CEP295: variants seen among roughly 807,000 people sequenced by gnomAD.
CEP295 encodes the protein centrosomal protein 295, also known as centrosomal protein of 295 kDa.
In CEP295, 190 loss-of-function variants were observed where a neutral mutation model predicts 291.6. The observed-to-expected ratio is 0.65, with a 90% CI of 0.58 to 0.73. CEP295 has a LOEUF of 0.73. Among genes scored for constraint, CEP295 ranks in the 30% least tolerant of loss-of-function variants. The probability of loss-of-function intolerance (pLI) is 0.00; values close to 1 mark genes in which losing one functional copy is unlikely to be tolerated. For synonymous variants in CEP295, 993 were observed against 1,038.8 expected, an observed-to-expected ratio of 0.96 and a Z score of 0.85; for missense variants, 2,863 against 2,949.4, an observed-to-expected ratio of 0.97 and a Z score of 0.68.
chr11:93,672,062 C>T (rs1369758790), intron 5 of CEP295, among the ~76,000 whole-genome samples: 1 of 152,002 alleles, frequency 6.6e-6, no homozygotes, highest in Non-Finnish European at 1.5e-5. Flanking sequence ...TTAGATATTT[C>T]CATTTAACAA....
At chr11:93,728,957 C>A in intron 25 of CEP295, 136 bp downstream of exon 25, 2 of 707,258 alleles carry the variant, frequency 2.8e-6, no homozygotes, top group East Asian at 2.8e-5. Context: ...CACCAGCTCT[C>A]AATTTGTCTT....
chr11:93,729,764 A>C lies in CEP295; in HGVS notation c.7550A>C (p.Lys2517Thr). ...VSENSQIKTV[K>T]EKPSISSSVS... Reference sequence around the variant, plus strand: ...GAAAATTCTCAAATCAAAACAGTTAAAGAGAAACCATCTATAAGTATGTTG... The same window carrying C: ...GAAAATTCTCAAATCAAAACAGTTACAGAGAAACCATCTATAAGTATGTTG... The change falls in exon 27 of 30, where the codon AAA becomes ACA. Residue 2517 changes from lysine (K) to threonine (T), a missense_variant. Coordinates refer to ENST00000325212, the MANE Select transcript of CEP295 (RefSeq NM_033395.2). The C allele has an allele frequency of 6.5e-7, 1 of 1,546,148 alleles. No homozygotes were observed.
At chr11:93,691,815 C>T in intron 11 of CEP295, 40 bp downstream of exon 11, 1 of 1,355,460 alleles carries the variant, frequency 7.4e-7, no homozygotes, top group Non-Finnish European at 1.0e-6. Flanking sequence ...AATTTGACTC[C>T]TTGCATCTTT....
In CEP295 at chr11:93,699,236, C is replaced by G; in HGVS notation, c.4324C>G (p.Leu1442Val). 1 of 1,551,722 alleles carries G rather than the reference C, an allele frequency of 6.4e-7. No homozygotes were observed. Among genetic ancestry groups the G allele is most frequent in the Non-Finnish European group, 8.7e-7 (1 of 1,146,890 alleles). Residue 1442 changes from leucine (L) to valine (V), a missense_variant, in exon 15 of 30, where the codon CTG becomes GTG. Physicochemically the swap from Leu to Val is conservative, Grantham distance 32. Transcript: ENST00000325212. Reference protein sequence around the residue: ...HSEIPTLPDGLLGLSHLVLPQ... With the variant: ...HSEIPTLPDGVLGLSHLVLPQ... ...AGAGATACCAACATTGCCTGATGGG[C>G]TGTTGGGTTTATCACATCTTGTTTT...
chr11:93,669,469 C>G lies in CEP295; in HGVS notation c.435-208C>G, dbSNP rs114172262. Among the ~76,000 whole-genome samples, 1,463 of 151,390 alleles carry G rather than the reference C, an allele frequency of 9.7e-3. 19 individuals carry two copies. Among genetic ancestry groups the G allele is most frequent in the African/African-American group, 0.033 (1,368 of 41,296 alleles). On this transcript the variant is annotated intron_variant, in intron 4 of 29. Coordinates refer to ENST00000325212, the MANE Select transcript of CEP295 (RefSeq NM_033395.2). ...ATAAGTTTCTTGGGTTGGTCCCCAC[C>G]ATAGAGCTTTCTGTCTTTAGATAGG...
At chr11:93,675,506 C>A in intron 5 of CEP295, 65 bp from the exon 6 acceptor site, 2 of 793,156 alleles carry the variant, frequency 2.5e-6, no homozygotes, top group South Asian at 2.2e-5. Flanking sequence ...ACTTTTTTTG[C>A]ATTGGATTCA....
At chr11:93,684,197 A>G in intron 9 of CEP295, 69 bp downstream of exon 9, 1 of 1,395,764 alleles carries the variant, frequency 7.2e-7, no homozygotes, top group South Asian at 1.4e-5. Flanking sequence ...ATTAGCCAGC[A>G]GTTAGGAAAA....
rs1378558838 is a variant in CEP295, at chr11:93,724,372, C to T, written c.6315C>T (p.Tyr2105=). The change falls in exon 22 of 30, where the codon TAC becomes TAT. Residue 2105 remains tyrosine, a synonymous_variant. Coordinates refer to ENST00000325212, the MANE Select transcript of CEP295 (RefSeq NM_033395.2). ...TTTCTCCAGACAACAGAGACTTTTACCAGGTATATTAAAGTAGATGTCCCA... is the reference window on the plus strand; with the variant it reads ...TTTCTCCAGACAACAGAGACTTTTATCAGGTATATTAAAGTAGATGTCCCA... ...SGISPDNRDF[Y]QRSDSSSESH... is the part of the protein sequence containing the mutation. 1.9e-6 allele frequency: 3 copies of T among 1,548,486 alleles called. No homozygotes were observed. The highest frequency in any genetic ancestry group is 2.6e-6 in the Non-Finnish European group (3 of 1,144,818).
In CEP295 at chr11:93,728,794, C is replaced by T. The variant is rs182061715; in HGVS notation, c.7275C>T (p.Ser2425=). 436 of 1,547,066 alleles carry T rather than the reference C, an allele frequency of 2.8e-4. 2 individuals are homozygous for T. The African/African-American group carries it at 4.5e-3, about 16-fold the overall frequency. The change falls in exon 25 of 30, where the codon AGC becomes AGT. Residue 2425 remains serine, a synonymous_variant. Transcript: ENST00000325212. ...CAAATTTAACCCTAGAAGAGAAGAG[C>T]GAGAATGAAGCAAAATGCTTCTTTC... The part of the protein sequence containing the change: ...DFANLTLEEK[S]ENEAKCFFQV...
chr11:93,673,412 G>C (rs150493936), intron 5 of CEP295, among the ~76,000 whole-genome samples: 1 of 152,260 alleles, frequency 6.6e-6, no homozygotes, highest in Non-Finnish European at 1.5e-5. Flanking sequence ...TGTATATCCA[G>C]GTATTTGCCA....
chr11:93,665,676 C>T (rs548277990), intron 1 of CEP295, among the ~76,000 whole-genome samples: 1 of 152,170 alleles, frequency 6.6e-6, no homozygotes, highest in Non-Finnish European at 1.5e-5. Context: ...TCATTGCACT[C>T]CAACCTGGGC....
At position 93,730,238 on chromosome 11, in the gene CEP295, TAGAG is replaced by T; in HGVS notation, c.7777_7780del (p.Glu2593AsnfsTer15). The T allele has an allele frequency of 6.4e-7, 1 of 1,551,116 alleles. No homozygotes were observed. Among genetic ancestry groups the T allele is most frequent in the Non-Finnish European group, 8.7e-7 (1 of 1,146,800 alleles). On this transcript the variant is annotated frameshift_variant, in exon 30 of 30. Transcript: ENST00000325212. LOFTEE classifies it high-confidence loss of function. ...TTTTTATTCCTTCCACAGAAAACACTAGAGAAACTTCGAGCCAAAAATACATGCT... is the reference window on the plus strand; with the variant it reads ...TTTTTATTCCTTCCACAGAAAACACTAAACTTCGAGCCAAAAATACATGCT...
At chr11:93,683,345 T>C (rs985107190) in intron 7 of CEP295, among the ~76,000 whole-genome samples, 5 of 152,216 alleles carry the variant, frequency 3.3e-5, no homozygotes, top group African/African-American at 1.2e-4. Context: ...ACTACTAGGG[T>C]AGGGTTGAGA....
At chr11:93,669,376 G>A (rs1353481606) in intron 4 of CEP295, among the ~76,000 whole-genome samples, 2 of 149,838 alleles carry the variant, frequency 1.3e-5, no homozygotes, top group African/African-American at 4.9e-5. Flanking sequence ...TAAGGGCCCT[G>A]TTACTAGTTA....
At chr11:93,710,683 A>G (rs1014385468) in intron 18 of CEP295, among the ~76,000 whole-genome samples, 12 of 152,018 alleles carry the variant, frequency 7.9e-5, no homozygotes, top group Non-Finnish European at 1.5e-5. Context: ...TTTGAGTGGG[A>G]TTGGTATTAG....
intron 7 of CEP295, among the ~76,000 whole-genome samples, chr11:93,680,388 T>C (rs779446408): frequency 3.3e-5 from 5 of 152,224 alleles, no homozygotes; most frequent in Admixed American, 6.5e-5. Context: ...GCAGATGGCT[T>C]GAGCCCAAGA....
chr11:93,669,365 T>C (rs1049975886), intron 4 of CEP295, among the ~76,000 whole-genome samples: 1 of 151,788 alleles, frequency 6.6e-6, no homozygotes, highest in African/African-American at 2.4e-5. Context: ...AAGTAAAAAA[T>C]TAAGGGCCCT....
chr11:93,729,990 T>TC (rs1214811917), intron 28 of CEP295, 21 bp downstream of exon 28: 5 of 1,514,084 alleles, frequency 3.3e-6, no homozygotes, highest in Non-Finnish European at 4.4e-6. Context: ...TTTTTTTTTT[T>TC]TTTTTAGTGA....
Position 93,698,695 on chromosome 11 carries a change from A to C in CEP295, c.3783A>C (p.Gln1261His), listed in dbSNP as rs1448480264. ...TACAAGATAATTTGGAGGAACACCA[A>C]GCATGGCTAGACACTGAGAAAGAAG... ...LPLQDNLEEH[Q>H]AWLDTEKEAF... The change falls in exon 15 of 30, where the codon CAA (glutamine) becomes CAC (histidine). Residue 1261 changes from glutamine (Q) to histidine (H), a missense_variant. By Grantham distance (24) the Gln-to-His change is conservative (BLOSUM62 0). This residue lies in a region of CEP295 where 2,295 missense variants were observed against 2,335.7 expected (regional missense o/e 0.98). Transcript: ENST00000325212. 6.4e-7 allele frequency: 1 copy of C among 1,551,086 alleles called. No homozygotes were observed. The highest frequency in any genetic ancestry group is 1.4e-5 in the African/African-American group (1 of 73,068).
Sources: allele counts gnomAD v4.1 joint callset (sites outside exome capture counted in the v4.1 genomes callset), GRCh38; gene constraint gnomAD v4.1.1; regional missense constraint gnomAD v4.1.1; transcripts MANE v1.5; gene names NCBI Gene and HGNC (gene_info 2026-07-23, HGNC 2026-07-21).